The following IMMP2L variants were observed in gnomAD, a reference collection of about 807,000 sequenced individuals.
IMMP2L encodes mitochondrial inner membrane protease subunit 2.
Under a neutral mutation model 19.3 loss-of-function variants are expected in IMMP2L, and 18 were observed. That is an observed-to-expected ratio of 0.93 (90% CI 0.64 to 1.38). The LOEUF (loss-of-function observed/expected upper bound fraction) is 1.38, where lower values mean the gene tolerates loss of function less well. IMMP2L is among the 40% of genes most tolerant of loss of function. IMMP2L has a pLI of 0.00. For synonymous variants in IMMP2L, 76 were observed against 73.0 expected, an observed-to-expected ratio of 1.04 and a Z score of -0.21; for missense variants, 233 against 218.2, an observed-to-expected ratio of 1.07 and a Z score of -0.43.
At chr7:111,225,264 C>A (rs1469676523) in intron 3 of IMMP2L, among the ~76,000 whole-genome samples, 2 of 152,090 alleles carry the variant, frequency 1.3e-5, no homozygotes, top group East Asian at 3.9e-4. Flanking sequence ...GAAAAACTTA[C>A]ATCTGTCACT....
chr7:111,137,226 C>T (rs1331332011), intron 3 of IMMP2L, among the ~76,000 whole-genome samples: 1 of 152,040 alleles, frequency 6.6e-6, no homozygotes, highest in African/African-American at 2.4e-5. Context: ...AGTGGTATAA[C>T]AGAAATAAAG....
intron 3 of IMMP2L, among the ~76,000 whole-genome samples, chr7:111,204,740 T>C (rs1810518373): frequency 6.6e-6 from 1 of 152,220 alleles, no homozygotes; most frequent in African/African-American, 2.4e-5. Flanking sequence ...CTATCCCCCA[T>C]TTAAAGATAA....
At chr7:111,049,117 T>A (rs534910092) in intron 3 of IMMP2L, among the ~76,000 whole-genome samples, 21 of 28,668 alleles carry the variant, frequency 7.3e-4, no homozygotes, top group Admixed American at 7.1e-4. Context: ...TTATGATACT[T>A]CTTTTTTTTT....
intron 1 of IMMP2L, among the ~76,000 whole-genome samples, chr7:111,549,184 A>C (rs1849217549): frequency 6.6e-6 from 1 of 152,106 alleles, no homozygotes; most frequent in East Asian, 1.9e-4. Flanking sequence ...CTTTACTATT[A>C]ATCTTCAAAA....
At chr7:111,392,659 C>T in intron 3 of IMMP2L, 4 of 414,460 alleles carry the variant, frequency 9.7e-6, no homozygotes, top group South Asian at 6.9e-5. Context: ...TTTTAGTGCT[C>T]AGTCCCACAA....
chr7:110,847,340 T>C (rs1805768970), intron 5 of IMMP2L, among the ~76,000 whole-genome samples: 1 of 152,202 alleles, frequency 6.6e-6, no homozygotes, highest in Non-Finnish European at 1.5e-5. Context: ...TTTCTGTTTG[T>C]ACTTTTGTAC....
In IMMP2L at chr7:111,047,376, A is replaced by AG. The variant is rs1000700262; in HGVS notation, c.240-83812dup. On this transcript the variant is annotated intron_variant, in intron 3 of 5. Coordinates refer to ENST00000405709, the MANE Select transcript of IMMP2L (RefSeq NM_032549.4). ...CTAATTTTTGTATTTTTAGTACAGA[A>AG]GGGGTTTCTCCATGTTGGTCAGGCT... 3.3e-5 allele frequency among the ~76,000 whole-genome samples: 5 copies of AG among 151,862 alleles called. 1 individual carries two copies. Among genetic ancestry groups the AG allele is most frequent in the Non-Finnish European group, 7.4e-5 (5 of 67,944 alleles).
chr7:110,787,605 C>T (rs922299341), intron 5 of IMMP2L, among the ~76,000 whole-genome samples: 11 of 151,924 alleles, frequency 7.2e-5, no homozygotes, highest in Non-Finnish European at 1.3e-4. Context: ...AATGTGAAGT[C>T]AAAATCACAT....
intron 5 of IMMP2L, among the ~76,000 whole-genome samples, chr7:110,713,139 AC>A (rs144266231): frequency 0.045 from 6,838 of 152,078 alleles, 205 homozygotes; most frequent in Middle Eastern, 0.099. Flanking sequence ...CTAGCCAGTT[AC>A]CCCAGCACCA....
At chr7:111,000,650 C>T (rs958514179) in intron 3 of IMMP2L, among the ~76,000 whole-genome samples, 3 of 152,074 alleles carry the variant, frequency 2.0e-5, no homozygotes, top group South Asian at 2.1e-4. Flanking sequence ...TCGAGACCAG[C>T]CTGGCCAACA....
At chr7:111,010,642 T>C (rs181881129) in intron 3 of IMMP2L, among the ~76,000 whole-genome samples, 5 of 152,238 alleles carry the variant, frequency 3.3e-5, no homozygotes, top group African/African-American at 1.2e-4. Context: ...CAAACAACTA[T>C]TTTGCACAGA....
chr7:111,079,882 TA>T (rs1367769123), intron 3 of IMMP2L, among the ~76,000 whole-genome samples: 1 of 152,156 alleles, frequency 6.6e-6, no homozygotes, highest in African/African-American at 2.4e-5. Flanking sequence ...CTGGTAGCTT[TA>T]TAAGAAGAGA....
At chr7:110,893,704 C>A (rs1811046904) in intron 4 of IMMP2L, among the ~76,000 whole-genome samples, 1 of 152,040 alleles carries the variant, frequency 6.6e-6, no homozygotes, top group Non-Finnish European at 1.5e-5. Flanking sequence ...ACCCCAAATT[C>A]TTGAATATGA....
intron 3 of IMMP2L, among the ~76,000 whole-genome samples, chr7:111,126,669 G>A (rs1026733678): frequency 6.6e-6 from 1 of 151,854 alleles, no homozygotes; most frequent in Non-Finnish European, 1.5e-5. Flanking sequence ...TAAAAAAAAA[G>A]AGAATTAAGA....
chr7:110,910,862 T>C (rs1812984693), intron 4 of IMMP2L, among the ~76,000 whole-genome samples: 1 of 152,160 alleles, frequency 6.6e-6, no homozygotes, highest in Non-Finnish European at 1.5e-5. Context: ...CATAATATTA[T>C]GCCCAGCCAT....
chr7:110,681,961 C>A (rs1792752378), intron 5 of IMMP2L, among the ~76,000 whole-genome samples: 1 of 152,034 alleles, frequency 6.6e-6, no homozygotes, highest in East Asian at 1.9e-4. Context: ...TGTGATGTTG[C>A]TGACAAAAGA....
At chr7:110,705,406 G>C (rs1047418636) in intron 5 of IMMP2L, among the ~76,000 whole-genome samples, 4 of 151,930 alleles carry the variant, frequency 2.6e-5, no homozygotes, top group Non-Finnish European at 4.4e-5. Flanking sequence ...ATATCTGCTT[G>C]CTGTGAACTG....
intron 5 of IMMP2L, among the ~76,000 whole-genome samples, chr7:110,741,498 C>G (rs1796987346): frequency 6.6e-6 from 1 of 152,036 alleles, no homozygotes; most frequent in Admixed American, 6.5e-5. Flanking sequence ...CCTTTTTGCC[C>G]TTTTTCCACG....
At chr7:111,188,795 T>C (rs1335662316) in intron 3 of IMMP2L, among the ~76,000 whole-genome samples, 1 of 152,102 alleles carries the variant, frequency 6.6e-6, no homozygotes, top group African/African-American at 2.4e-5. Flanking sequence ...TTACTGACAC[T>C]CTCCAAAGTA....
Sources: allele counts gnomAD v4.1 joint callset (sites outside exome capture counted in the v4.1 genomes callset), GRCh38; gene constraint gnomAD v4.1.1; transcripts MANE v1.5; gene names NCBI Gene and HGNC (gene_info 2026-07-23, HGNC 2026-07-21).